LOC400499: variants seen among roughly 807,000 people sequenced by gnomAD.
At chr16:11,453,471 C>T in the LOC400499 span, among the ~76,000 whole-genome samples, 6 of 152,100 alleles carry the variant, frequency 3.9e-5, no homozygotes, top group South Asian at 1.2e-3. Context: ...GATAAAACTC[C>T]CTGAAATTCT....
the LOC400499 span, chr16:11,372,604 G>C: frequency 1.6e-3 from 583 of 355,726 alleles, 1 homozygote; most frequent in Non-Finnish European, 1.6e-3. Context: ...GTGCGGTTCT[G>C]AGTTTCCCGG....
At chr16:11,407,611 C>CA in the LOC400499 span, among the ~76,000 whole-genome samples, 1 of 152,196 alleles carries the variant, frequency 6.6e-6, no homozygotes, top group Non-Finnish European at 1.5e-5. Context: ...AGCCTGGCAC[C>CA]AGCAGCCAAG....
chr16:11,400,908 A>G, the LOC400499 span, among the ~76,000 whole-genome samples: 2 of 152,116 alleles, frequency 1.3e-5, no homozygotes, highest in Non-Finnish European at 2.9e-5. Flanking sequence ...GACACACCCG[A>G]GGCCCCCCAG....
the LOC400499 span, among the ~76,000 whole-genome samples, chr16:11,420,710 G>C: frequency 6.6e-6 from 1 of 151,610 alleles, no homozygotes; most frequent in Non-Finnish European, 1.5e-5. Flanking sequence ...ACGGGGAGAG[G>C]GCACCCTGGT....
At chr16:11,439,222 T>G in the LOC400499 span, among the ~76,000 whole-genome samples, 1 of 152,200 alleles carries the variant, frequency 6.6e-6, no homozygotes, top group Non-Finnish European at 1.5e-5. Context: ...AGGAAAACTC[T>G]GCTTCTGCCC....
the LOC400499 span, chr16:11,387,365 C>T: frequency 4.2e-6 from 5 of 1,176,900 alleles, no homozygotes; most frequent in East Asian, 1.6e-4. Context: ...CAGAGGGGAG[C>T]TTCTAGGTCT....
At chr16:11,396,790 T>G in the LOC400499 span, 1 of 854,528 alleles carries the variant, frequency 1.2e-6, no homozygotes, top group Non-Finnish European at 1.6e-6. Flanking sequence ...TCCACACCTG[T>G]CGCAGCTCAC....
chr16:11,463,434 ATGTG>A, the LOC400499 span, among the ~76,000 whole-genome samples: 1 of 142,064 alleles, frequency 7.0e-6, no homozygotes, highest in African/African-American at 2.5e-5. Flanking sequence ...CTGTACATGG[ATGTG>A]TGTGTATACA....
chr16:11,377,582 G>A, the LOC400499 span, among the ~76,000 whole-genome samples: 4 of 152,064 alleles, frequency 2.6e-5, no homozygotes, highest in African/African-American at 4.8e-5. Flanking sequence ...GTTTTCTTTC[G>A]TTCATTCTGT....
the LOC400499 span, chr16:11,372,742 T>C: frequency 0.67 from 653,892 of 979,752 alleles, 220,079 homozygotes; most frequent in African/African-American, 0.76. Flanking sequence ...TCTCAAACTG[T>C]AAAGGAGAGA....
chr16:11,427,744 C>T, the LOC400499 span, among the ~76,000 whole-genome samples: 4 of 152,148 alleles, frequency 2.6e-5, no homozygotes, highest in Non-Finnish European at 4.4e-5. Flanking sequence ...CTGCTCTCAG[C>T]TGAGATGTGC....
chr16:11,483,434 T>C, the LOC400499 span, among the ~76,000 whole-genome samples: 1 of 152,116 alleles, frequency 6.6e-6, no homozygotes, highest in Non-Finnish European at 1.5e-5. Flanking sequence ...AGAAACAAAC[T>C]GTGGTATATC....
chr16:11,460,971 G>T, the LOC400499 span: 1 of 1,534,412 alleles, frequency 6.5e-7, no homozygotes, highest in Non-Finnish European at 8.7e-7. Context: ...TACCCAGGAG[G>T]CTGTACTGGA....
chr16:11,384,442 T>C, the LOC400499 span: 15 of 492,378 alleles, frequency 3.0e-5, no homozygotes, highest in East Asian at 3.5e-4. Context: ...AGAGGAGCAG[T>C]AGAGTCCCAC....
At chr16:11,420,740 G>C in the LOC400499 span, among the ~76,000 whole-genome samples, 4 of 151,862 alleles carry the variant, frequency 2.6e-5, no homozygotes, top group South Asian at 4.2e-4. Context: ...CCCAAAGAAT[G>C]AGCCGCGGCC....
the LOC400499 span, among the ~76,000 whole-genome samples, chr16:11,466,418 C>T: frequency 6.6e-6 from 1 of 151,472 alleles, no homozygotes; most frequent in Non-Finnish European, 1.5e-5. Context: ...GATGGAGTCT[C>T]GCTCTGTTGC....
At chr16:11,427,778 A>G in the LOC400499 span, among the ~76,000 whole-genome samples, 1 of 152,162 alleles carries the variant, frequency 6.6e-6, no homozygotes, top group Non-Finnish European at 1.5e-5. Flanking sequence ...TGTAAATTTT[A>G]TATCAGAGGA....
the LOC400499 span, chr16:11,447,036 G>C: frequency 8.7e-7 from 1 of 1,144,584 alleles, no homozygotes; most frequent in Non-Finnish European, 1.2e-6. Context: ...CTGCCACAGA[G>C]AAGAGAACAT....
At chr16:11,419,623 C>A in the LOC400499 span, among the ~76,000 whole-genome samples, 1 of 152,098 alleles carries the variant, frequency 6.6e-6, no homozygotes, top group Non-Finnish European at 1.5e-5. Flanking sequence ...AACTGAAGAG[C>A]TTCTGCACGG....
Sources: allele counts gnomAD v4.1 joint callset (sites outside exome capture counted in the v4.1 genomes callset), GRCh38; gene constraint gnomAD v4.1.1; transcripts MANE v1.5.